Variants in MARCHF10 observed in about 807,000 individuals in gnomAD.
The protein encoded by MARCHF10 is probable E3 ubiquitin-protein ligase MARCHF10.
MARCHF10 carries 64 observed loss-of-function variants against 76.2 expected under a neutral mutation model. The ratio of observed to expected loss-of-function variants is 0.84; its 90% confidence interval spans 0.69 to 1.03. The LOEUF (loss-of-function observed/expected upper bound fraction) is 1.03. MARCHF10 is among the 50% of genes least tolerant of loss of function. The probability of loss-of-function intolerance (pLI) is 0.00; values close to 1 mark genes in which losing one functional copy is unlikely to be tolerated. For synonymous variants in MARCHF10, 340 were observed against 357.5 expected, an observed-to-expected ratio of 0.95 and a Z score of 0.55; for missense variants, 875 against 958.0, an observed-to-expected ratio of 0.91 and a Z score of 1.14.
chr17:62,789,587 A>G (rs1193858051), intron 2 of MARCHF10, among the ~76,000 whole-genome samples: 1 of 152,110 alleles, frequency 6.6e-6, no homozygotes, highest in Non-Finnish European at 1.5e-5. Context: ...GAACCCTGAG[A>G]GTAAGGACAA....
intron 4 of MARCHF10, among the ~76,000 whole-genome samples, chr17:62,752,658 T>G (rs1356366717): frequency 1.3e-5 from 2 of 150,520 alleles, no homozygotes; most frequent in Non-Finnish European, 3.0e-5. Context: ...TTAATAGAGA[T>G]GGGGTCTTGC....
At chr17:62,742,952 T>C (rs1321158923) in intron 5 of MARCHF10, among the ~76,000 whole-genome samples, 1 of 152,142 alleles carries the variant, frequency 6.6e-6, no homozygotes, top group East Asian at 1.9e-4. Flanking sequence ...TTTCAAATAA[T>C]ATTCAACAGT....
intron 3 of MARCHF10, among the ~76,000 whole-genome samples, chr17:62,774,577 G>C (rs2092512318): frequency 6.6e-6 from 1 of 152,134 alleles, no homozygotes; most frequent in African/African-American, 2.4e-5. Context: ...GGAGCTCTGA[G>C]AAGGGGTCTG....
At chr17:62,803,559 G>T (rs1196648824) in intron 1 of MARCHF10, among the ~76,000 whole-genome samples, 1 of 151,734 alleles carries the variant, frequency 6.6e-6, no homozygotes, top group African/African-American at 2.4e-5. Flanking sequence ...CTGCTCTGTC[G>T]CCCAGGCTGG....
At chr17:62,715,026 C>T (rs759825571) in intron 8 of MARCHF10, among the ~76,000 whole-genome samples, 4 of 152,168 alleles carry the variant, frequency 2.6e-5, no homozygotes, top group South Asian at 2.1e-4. Context: ...CGATTACAGG[C>T]GTGAGTCACC....
In MARCHF10 at chr17:62,705,569, A is replaced by T. The variant is rs1349488916; in HGVS notation, c.2341T>A (p.Tyr781Asn). The change falls in exon 10 of 11, where the codon TAC becomes AAC. Residue 781 changes from tyrosine (Y) to asparagine (N), a missense_variant. Transcript: ENST00000311269. The part of the protein sequence containing the change: ...QVERERLSRN[Y>N]PQPRTEENEN... The stretch of plus-strand genomic sequence containing the variant: ...TTTTCCTCTGTTCTGGGTTGTGGGT[A>T]ATTTCTTGACAACTACAAGAAAGAA... 6.2e-7 allele frequency: 1 copy of T among 1,614,054 alleles called. No homozygotes were observed. The highest frequency in any genetic ancestry group is 8.5e-7 in the Non-Finnish European group (1 of 1,179,996).
In MARCHF10 at chr17:62,759,954, G is replaced by A. The variant is rs1162421627; in HGVS notation, c.263C>T (p.Ser88Phe). 1 of 1,614,004 alleles carries A rather than the reference G, an allele frequency of 6.2e-7. No individual in the cohort carries two copies. The highest frequency in any genetic ancestry group is 8.5e-7 in the Non-Finnish European group (1 of 1,179,986). ...AAGTTTGGAGTCACACTTAAATGCA[G>A]ATATCTTGATAGATGACCTTGGTTC... Reference protein sequence around the residue: ...LTEPRSSIKISAFKCDSKLPA... With the variant: ...LTEPRSSIKIFAFKCDSKLPA... The change falls in exon 4 of 11, where the codon TCT becomes TTT. Residue 88 changes from serine to phenylalanine, a missense_variant. Coordinates refer to ENST00000311269, the MANE Select transcript of MARCHF10 (RefSeq NM_152598.4).
At chr17:62,770,830 C>T (rs561146306) in intron 3 of MARCHF10, among the ~76,000 whole-genome samples, 5 of 150,568 alleles carry the variant, frequency 3.3e-5, no homozygotes, top group East Asian at 3.9e-4. Context: ...CGTGAGCCAC[C>T]GCACCTGGTC....
chr17:62,726,579 G>C (rs569973048), intron 6 of MARCHF10, among the ~76,000 whole-genome samples: 10 of 152,316 alleles, frequency 6.6e-5, no homozygotes, highest in African/African-American at 1.4e-4. Flanking sequence ...AAACTAGAGA[G>C]AGATCTTGCA....
At chr17:62,761,407 G>C (rs1180014539) in intron 3 of MARCHF10, among the ~76,000 whole-genome samples, 2 of 152,000 alleles carry the variant, frequency 1.3e-5, no homozygotes, top group Non-Finnish European at 2.9e-5. Flanking sequence ...TGAAACATTA[G>C]GTCATTTCTT....
In MARCHF10 at chr17:62,704,366, G is replaced by A. The variant is rs946719260; in HGVS notation, c.2371+1173C>T. ...CCGGGGTCGGGGGTGGCCGCGCGAGGGGGCGCTGGGATCGGCCAGACCCCG... is the reference window on the plus strand; with the variant it reads ...CCGGGGTCGGGGGTGGCCGCGCGAGAGGGCGCTGGGATCGGCCAGACCCCG... On this transcript the variant is annotated intron_variant, in intron 10 of 10. Transcript: ENST00000311269. Among the ~76,000 whole-genome samples, 46 of 152,272 alleles carry A rather than the reference G, an allele frequency of 3.0e-4. 1 individual carries two copies. In the East Asian group the frequency reaches 7.9e-3, roughly 26 times the overall value.
chr17:62,742,860 C>T (rs2091565419), intron 5 of MARCHF10, among the ~76,000 whole-genome samples: 1 of 151,946 alleles, frequency 6.6e-6, no homozygotes, highest in Non-Finnish European at 1.5e-5. Flanking sequence ...TCTCAAACTC[C>T]TGGACTCAAG....
chr17:62,736,208 G>A lies in MARCHF10; in HGVS notation c.1660C>T (p.Gln554Ter). 1 of 1,614,202 alleles carries A rather than the reference G, an allele frequency of 6.2e-7. No homozygotes were observed. The highest frequency in any genetic ancestry group is 2.2e-5 in the East Asian group (1 of 44,888). ...AEDTTLTSQP[Q>*]GAPLYTDLLL... ...AGATCTGTATATAGTGGAGCCCCCTGAGGCTGGCTTGTTAAAGTAGTATCT... is the reference window on the plus strand; with the variant it reads ...AGATCTGTATATAGTGGAGCCCCCTAAGGCTGGCTTGTTAAAGTAGTATCT... The change falls in exon 6 of 11, where the codon CAG becomes TAG. Residue 554 changes from glutamine to a stop codon, truncating the protein, a stop_gained. Transcript: ENST00000311269. LOFTEE classifies it high-confidence loss of function.
At position 62,736,282 on chromosome 17, in the gene MARCHF10, T is replaced by C; in HGVS notation, c.1586A>G (p.Asn529Ser). 1 of 1,614,180 alleles carries C rather than the reference T, an allele frequency of 6.2e-7. No homozygotes were observed. The highest frequency in any genetic ancestry group is 1.1e-5 in the South Asian group (1 of 91,076). The change falls in exon 6 of 11, where the codon AAT (asparagine) becomes AGT (serine). Residue 529 changes from asparagine to serine, a missense_variant. Asn to Ser is a conservative substitution (Grantham distance 46, BLOSUM62 1). Coordinates refer to ENST00000311269, the MANE Select transcript of MARCHF10 (RefSeq NM_152598.4). ...RTPFASAENHNYFPVNSAHEF... is the reference protein window; with the variant it reads ...RTPFASAENHSYFPVNSAHEF... ...GTGTGCACTGTTTACTGGGAAATAA[T>C]TATGGTTTTCGGCACTGGCAAATGG...
Position 62,760,025 on chromosome 17 carries a change from G to C in MARCHF10, c.211-19C>G, listed in dbSNP as rs776530945. ...TAGAACTCTACCAAAAATGAAATAC[G>C]TCTGAGTCTCAGTGGCCAAGTAGGT... On this transcript the variant is annotated intron_variant, in intron 3 of 10. Coordinates refer to ENST00000311269, the MANE Select transcript of MARCHF10 (RefSeq NM_152598.4). 1.2e-5 allele frequency: 20 copies of C among 1,607,410 alleles called. No individual in the cohort carries two copies. Among genetic ancestry groups the C allele is most frequent in the Middle Eastern group, 3.4e-4 (2 of 5,894 alleles).
chr17:62,720,850 G>C (rs2090445280), intron 8 of MARCHF10, among the ~76,000 whole-genome samples: 2 of 150,000 alleles, frequency 1.3e-5, no homozygotes, highest in Non-Finnish European at 2.9e-5. Flanking sequence ...CTCTGCTCCG[G>C]TAAGTTGTGA....
chr17:62,758,126 T>C (rs12150005), intron 4 of MARCHF10, among the ~76,000 whole-genome samples: 102,837 of 152,016 alleles, frequency 0.68, 35,048 homozygotes, highest in African/African-American at 0.77. Flanking sequence ...TCAGGCCAGG[T>C]GCGGTGGCTC....
chr17:62,720,903 T>C (rs1404100361), intron 8 of MARCHF10, among the ~76,000 whole-genome samples: 2 of 143,694 alleles, frequency 1.4e-5, no homozygotes, highest in African/African-American at 2.7e-5. Context: ...AGTCTCACTC[T>C]GTCGCCCAGG....
intron 3 of MARCHF10, among the ~76,000 whole-genome samples, chr17:62,775,716 T>C (rs1050184954): frequency 6.6e-6 from 1 of 152,204 alleles, no homozygotes; most frequent in Admixed American, 6.5e-5. Flanking sequence ...AAATGCTATA[T>C]GTTATAAAAT....
Sources: gnomAD v4.1 joint callset for allele counts (sites outside exome capture counted in the v4.1 genomes callset) on GRCh38, gnomAD v4.1.1 for gene constraint, MANE v1.5 for transcripts, NCBI Gene and HGNC (gene_info 2026-07-23, HGNC 2026-07-21) for gene names.